Variants in PDE10A observed in about 807,000 individuals in gnomAD.
PDE10A encodes phosphodiesterase 10A.
Under a neutral mutation model 97.7 loss-of-function variants are expected in PDE10A, and 39 were observed. The observed-to-expected ratio is 0.40, with a 90% CI of 0.31 to 0.52. PDE10A has a LOEUF of 0.52. Among genes scored for constraint, PDE10A ranks in the 20% least tolerant of loss-of-function variants. The pLI is 0.56. For missense variants in PDE10A, 731 were observed against 1,047.8 expected (o/e 0.70, Z 4.17); for synonymous variants, 371 against 376.8 (o/e 0.98, Z 0.18).
intron 2 of PDE10A, among the ~76,000 whole-genome samples, chr6:165,506,965 T>C (rs780073433): frequency 6.6e-6 from 1 of 152,266 alleles, no homozygotes; most frequent in Admixed American, 6.5e-5. Flanking sequence ...TCAGGAGGTA[T>C]TGAGCAGTCT....
chr6:165,414,301 T>C (rs1788147130), intron 12 of PDE10A, among the ~76,000 whole-genome samples: 1 of 152,204 alleles, frequency 6.6e-6, no homozygotes, highest in African/African-American at 2.4e-5. Context: ...GCAAATATAC[T>C]GACCATATGA....
At chr6:165,820,217 A>C (rs1469874268) in intron 1 of PDE10A, among the ~76,000 whole-genome samples, 1 of 152,226 alleles carries the variant, frequency 6.6e-6, no homozygotes, top group Non-Finnish European at 1.5e-5. Flanking sequence ...TTCTAACGGA[A>C]TTATTATCAC....
At chr6:165,762,890 C>T (rs1400018110) in intron 1 of PDE10A, among the ~76,000 whole-genome samples, 1 of 150,876 alleles carries the variant, frequency 6.6e-6, no homozygotes, top group African/African-American at 2.4e-5. Flanking sequence ...AACACACGTG[C>T]ACACACACAC....
At chr6:165,446,453 G>A (rs1790854667) in intron 5 of PDE10A, among the ~76,000 whole-genome samples, 1 of 152,114 alleles carries the variant, frequency 6.6e-6, no homozygotes, top group African/African-American at 2.4e-5. Context: ...AGAAATCCCT[G>A]GGTCAAGGAA....
At chr6:165,367,240 T>C (rs199595881) in intron 18 of PDE10A, among the ~76,000 whole-genome samples, 104 of 99,572 alleles carry the variant, frequency 1.0e-3, no homozygotes, top group Middle Eastern at 5.1e-3. Flanking sequence ...CACACACACA[T>C]ATGTGTGTGT....
rs150806639 is a variant in PDE10A, at chr6:165,882,020, C to T, written c.-615+105509G>A. Among the ~76,000 whole-genome samples, 85 of 152,268 alleles carry T rather than the reference C, an allele frequency of 5.6e-4. 1 individual carries two copies. Among genetic ancestry groups the T allele is most frequent in the African/African-American group, 2.0e-3 (82 of 41,550 alleles). On this transcript the variant is annotated intron_variant, in intron 1 of 19. Transcript: ENST00000366882. Reference sequence around the variant, plus strand: ...GATGGCAGCTGCCAGACATCAGCACCTCCTCTCATGCATCCTCTCATTTCG... The same window carrying T: ...GATGGCAGCTGCCAGACATCAGCACTTCCTCTCATGCATCCTCTCATTTCG...
chr6:165,794,938 C>T (rs1028018697), intron 1 of PDE10A, among the ~76,000 whole-genome samples: 1 of 152,208 alleles, frequency 6.6e-6, no homozygotes, highest in Non-Finnish European at 1.5e-5. Context: ...TTTCGTGCTG[C>T]ACACAATCCT....
intron 1 of PDE10A, among the ~76,000 whole-genome samples, chr6:165,612,512 G>A (rs1023619919): frequency 1.3e-5 from 2 of 152,074 alleles, no homozygotes; most frequent in Non-Finnish European, 2.9e-5. Flanking sequence ...GGGATTACAA[G>A]CGCCCGCCAC....
At chr6:165,666,611 G>A (rs185144040), upstream of PDE10A, among the ~76,000 whole-genome samples, 2 of 152,250 alleles carry the variant, frequency 1.3e-5, no homozygotes, top group East Asian at 1.9e-4. Context: ...TCATTAAAAT[G>A]GAGTTCAGCT....
intron 5 of PDE10A, among the ~76,000 whole-genome samples, chr6:165,445,223 T>C (rs1790758676): frequency 6.6e-6 from 1 of 152,248 alleles, no homozygotes; most frequent in Non-Finnish European, 1.5e-5. Context: ...ATTAGATCAT[T>C]TGGCTGACAC....
chr6:165,743,203 A>G (rs1156907114), intron 1 of PDE10A, among the ~76,000 whole-genome samples: 1 of 152,246 alleles, frequency 6.6e-6, no homozygotes, highest in Non-Finnish European at 1.5e-5. Context: ...GAATTATTAC[A>G]TAAATGTTCC....
At chr6:165,824,548 G>T (rs1002542871) in intron 1 of PDE10A, among the ~76,000 whole-genome samples, 8 of 152,130 alleles carry the variant, frequency 5.3e-5, no homozygotes, top group Non-Finnish European at 4.4e-5. Flanking sequence ...AAACGTTTAT[G>T]ATCCCAATGA....
At chr6:165,776,166 A>G (rs1329906545) in intron 1 of PDE10A, among the ~76,000 whole-genome samples, 1 of 152,260 alleles carries the variant, frequency 6.6e-6, no homozygotes, top group Admixed American at 6.5e-5. Flanking sequence ...ACTAATTTAA[A>G]TAAACTTATT....
intron 19 of PDE10A, among the ~76,000 whole-genome samples, chr6:165,340,971 C>A (rs978468083): frequency 6.6e-6 from 1 of 152,152 alleles, no homozygotes; most frequent in Non-Finnish European, 1.5e-5. Flanking sequence ...AGTGCCAAAG[C>A]GGAATTTTAA....
intron 6 of PDE10A, among the ~76,000 whole-genome samples, chr6:165,434,549 A>G (rs1402977851): frequency 3.3e-5 from 5 of 152,284 alleles, no homozygotes; most frequent in Middle Eastern, 3.4e-3. Flanking sequence ...TTAGTGATCT[A>G]TACTGAGTCT....
intron 1 of PDE10A, among the ~76,000 whole-genome samples, chr6:165,730,762 A>AAAAAAT (rs1792413217): frequency 1.4e-5 from 2 of 138,702 alleles, no homozygotes; most frequent in South Asian, 4.6e-4. Context: ...AAAAAAAAAA[A>AAAAAAT]AATCCGGGCC....
chr6:165,621,368 GAAAGTCA>G (rs1788124804), intron 1 of PDE10A, among the ~76,000 whole-genome samples: 1 of 151,366 alleles, frequency 6.6e-6, no homozygotes, highest in African/African-American at 2.4e-5. Context: ...ACAAAATTTA[GAAAGTCA>G]AACCTATTCT....
At chr6:165,958,736 AAAGAAAGAAAG>A in intron 1 of PDE10A, among the ~76,000 whole-genome samples, 1 of 13,756 alleles carries the variant, frequency 7.3e-5, no homozygotes, top group Non-Finnish European at 1.3e-4. Context: ...AGAAAGAAAG[AAAGAAAGAAAG>A]AGAAAGAAAG....
intron 1 of PDE10A, among the ~76,000 whole-genome samples, chr6:165,601,690 A>G (rs1021591460): frequency 5.9e-5 from 9 of 152,220 alleles, no homozygotes; most frequent in African/African-American, 1.9e-4. Flanking sequence ...ATTCACATAG[A>G]TTAGTCAGGG....
Sources: gnomAD v4.1 joint callset for allele counts (sites outside exome capture counted in the v4.1 genomes callset) on GRCh38, gnomAD v4.1.1 for gene constraint, MANE v1.5 for transcripts, NCBI Gene and HGNC (gene_info 2026-07-23, HGNC 2026-07-21) for gene names.